Variants in KIF25 observed in about 807,000 individuals in gnomAD.
KIF25 encodes the protein kinesin family member 25, also known as kinesin-like protein KIF25.
In KIF25, 19 loss-of-function variants were observed where a neutral mutation model predicts 32.9. The observed-to-expected ratio is 0.58, with a 90% CI of 0.40 to 0.85. The LOEUF is 0.85. Among genes scored for constraint, KIF25 ranks in the 40% least tolerant of loss-of-function variants. The pLI is 0.00. For missense variants in KIF25, 485 were observed against 507.0 expected, an observed-to-expected ratio of 0.96 and a Z score of 0.42; for synonymous variants, 225 against 213.7, an observed-to-expected ratio of 1.05 and a Z score of -0.46.
chr6:168,017,228 A>C (rs1456126873), intron 4 of KIF25, among the ~76,000 whole-genome samples: 1 of 152,238 alleles, frequency 6.6e-6, no homozygotes, highest in Non-Finnish European at 1.5e-5. Context: ...ACTAAGAAGA[A>C]GGTGTGGAGG....
intron 5 of KIF25, among the ~76,000 whole-genome samples, chr6:168,028,034 T>A (rs6455476): frequency 6.6e-6 from 1 of 151,778 alleles, no homozygotes; most frequent in Non-Finnish European, 1.5e-5. Flanking sequence ...AGAACCCCCC[T>A]GTGGACTCTG....
At chr6:168,017,918 TTTAA>T (rs1202386518) in intron 4 of KIF25, 51 bp from the exon 5 acceptor site, 1 of 152,518 alleles carries the variant, frequency 6.6e-6, no homozygotes, top group Non-Finnish European at 1.5e-5. Flanking sequence ...GGGGCTTGTG[TTTAA>T]TTAACGCAGC....
At chr6:168,013,144 C>T (rs1798669764) in intron 4 of KIF25, among the ~76,000 whole-genome samples, 1 of 151,998 alleles carries the variant, frequency 6.6e-6, no homozygotes. Context: ...TTTCTCATGT[C>T]CTGAGCACAG....
At chr6:168,042,778 C>A in intron 12 of KIF25, 62 bp downstream of exon 12, 1 of 1,531,044 alleles carries the variant, frequency 6.5e-7, no homozygotes. Flanking sequence ...CATGTGCACA[C>A]ACTTCTGGCC....
intron 4 of KIF25, among the ~76,000 whole-genome samples, chr6:168,012,724 G>T (rs1798664529): frequency 6.6e-6 from 1 of 152,120 alleles, no homozygotes; most frequent in South Asian, 2.1e-4. Flanking sequence ...TCTGGGGTGT[G>T]TCTGCTGGGG....
At chr6:168,038,413 G>A (rs1799061184) in intron 8 of KIF25, 140 bp from the exon 9 acceptor site, 1 of 744,272 alleles carries the variant, frequency 1.3e-6, no homozygotes, top group South Asian at 1.7e-5. Context: ...GTGATCTTCG[G>A]GTATGTAACA....
intron 12 of KIF25, among the ~76,000 whole-genome samples, chr6:168,044,069 C>A (rs573730716): frequency 5.3e-5 from 8 of 152,348 alleles, no homozygotes; most frequent in African/African-American, 1.4e-4. Flanking sequence ...GGGCTGACTT[C>A]ATACCTCCCA....
intron 5 of KIF25, among the ~76,000 whole-genome samples, chr6:168,021,608 A>T (rs879621120): frequency 6.6e-6 from 1 of 152,226 alleles, no homozygotes; most frequent in Non-Finnish European, 1.5e-5. Context: ...ATCTGGTGCA[A>T]CCATCACCAC....
Position 168,044,975 on chromosome 6 carries a change from G to C in KIF25, c.1134G>C (p.Glu378Asp). The change falls in exon 13 of 13, where the codon GAG becomes GAC. Residue 378 changes from glutamate to aspartate, a missense_variant. Transcript: ENST00000643607. Reference protein sequence around the residue: ...ARKKPPSSQTEGKRRPD With the variant: ...ARKKPPSSQTDGKRRPD ...AGAAGCCGCCCAGCTCCCAAACGGAGGGGAAGAGGAGGCCGGATTGAATGC... is the reference window on the plus strand; with the variant it reads ...AGAAGCCGCCCAGCTCCCAAACGGACGGGAAGAGGAGGCCGGATTGAATGC... 1 of 1,600,142 alleles carries C rather than the reference G, an allele frequency of 6.2e-7. No homozygotes were observed. The highest frequency in any genetic ancestry group is 8.5e-7 in the Non-Finnish European group (1 of 1,172,376).
In KIF25 at chr6:168,029,499, G is replaced by T; in HGVS notation, c.-87G>T. The T allele has an allele frequency of 6.4e-7, 1 of 1,553,306 alleles. No individual in the cohort carries two copies. The highest frequency in any genetic ancestry group is 8.7e-7 in the Non-Finnish European group (1 of 1,151,212). On this transcript the variant is annotated 5_prime_UTR_variant, in exon 6 of 13. Transcript: ENST00000643607. ...AGTCATGATCCTTTACAGATATACTGGCCTTCCCAGCTGACATGGACCTCA... is the reference window on the plus strand; with the variant it reads ...AGTCATGATCCTTTACAGATATACTTGCCTTCCCAGCTGACATGGACCTCA...
At chr6:168,003,321 G>A (rs1798532207) in intron 3 of KIF25, among the ~76,000 whole-genome samples, 1 of 151,988 alleles carries the variant, frequency 6.6e-6, no homozygotes, top group African/African-American at 2.4e-5. Flanking sequence ...AAAGTAAAGA[G>A]TAAAAAAAAT....
intron 5 of KIF25, among the ~76,000 whole-genome samples, chr6:168,027,048 C>G (rs1355776612): frequency 1.3e-5 from 2 of 152,106 alleles, no homozygotes; most frequent in East Asian, 3.8e-4. Context: ...CAGGAGGCTG[C>G]GCTGAGCTCA....
At chr6:168,024,976 G>T (rs531474741) in intron 5 of KIF25, among the ~76,000 whole-genome samples, 26 of 152,300 alleles carry the variant, frequency 1.7e-4, no homozygotes, top group African/African-American at 6.0e-4. Flanking sequence ...GCATGAACCC[G>T]GGAGGCAGAG....
intron 12 of KIF25, 87 bp downstream of exon 12, chr6:168,042,803 G>T (rs927925981): frequency 3.4e-6 from 5 of 1,449,632 alleles, no homozygotes; most frequent in Non-Finnish European, 4.6e-6. Context: ...CGTCCTCGAG[G>T]GCCACCCATG....
At chr6:168,042,887 C>T (rs186044392) in intron 12 of KIF25, among the ~76,000 whole-genome samples, 171 bp downstream of exon 12, 91 of 152,264 alleles carry the variant, frequency 6.0e-4, no homozygotes, top group African/African-American at 2.1e-3. Flanking sequence ...TCTCCTGCGC[C>T]GTCTCACCTT....
At chr6:168,010,969 C>T (rs9355047) in intron 4 of KIF25, among the ~76,000 whole-genome samples, 51,266 of 151,706 alleles carry the variant, frequency 0.34, 8,986 homozygotes, top group South Asian at 0.42. Context: ...TATTTTTTTC[C>T]ATCCCTTCAC....
intron 6 of KIF25, 71 bp downstream of exon 6, chr6:168,029,748 T>C: frequency 6.6e-7 from 1 of 1,511,730 alleles, no homozygotes; most frequent in Non-Finnish European, 8.9e-7. Flanking sequence ...GGGCTCACTT[T>C]TCTATTCTTT....
chr6:168,044,186 A>G (rs968661505), intron 12 of KIF25, among the ~76,000 whole-genome samples: 1 of 148,086 alleles, frequency 6.8e-6, no homozygotes, highest in Non-Finnish European at 1.5e-5. Flanking sequence ...GGTGCTAGTG[A>G]CCGGCTGCTG....
At chr6:168,030,581 G>A in intron 6 of KIF25, 192 bp from the exon 7 acceptor site, 1 of 399,592 alleles carries the variant, frequency 2.5e-6, no homozygotes, top group Non-Finnish European at 4.5e-6. Context: ...ATAGCAGAAA[G>A]TACTATCTTT....
Sources: gnomAD v4.1 joint callset for allele counts (sites outside exome capture counted in the v4.1 genomes callset) on GRCh38, gnomAD v4.1.1 for gene constraint, MANE v1.5 for transcripts, NCBI Gene and HGNC (gene_info 2026-07-23, HGNC 2026-07-21) for gene names.